GRM8: variants seen among roughly 807,000 people sequenced by gnomAD.
GRM8 encodes glutamate metabotropic receptor 8, also known as metabotropic glutamate receptor 8.
Under a neutral mutation model 87.2 loss-of-function variants are expected in GRM8, and 47 were observed. The observed-to-expected ratio is 0.54, with a 90% confidence interval of 0.43 to 0.69. GRM8 has a LOEUF of 0.69. Among genes scored for constraint, GRM8 ranks in the 30% least tolerant of loss-of-function variants. The pLI, the probability that GRM8 is intolerant of heterozygous loss-of-function variation, is 0.00. For missense variants in GRM8, 1,019 were observed against 1,139.2 expected, an observed-to-expected ratio of 0.89 and a Z score of 1.52; for synonymous variants, 396 against 404.5, an observed-to-expected ratio of 0.98 and a Z score of 0.25.
At chr7:126,763,345 G>A (rs1459455455) in intron 7 of GRM8, among the ~76,000 whole-genome samples, 1 of 149,356 alleles carries the variant, frequency 6.7e-6, no homozygotes, top group Non-Finnish European at 1.5e-5. Context: ...TTTCTTATGT[G>A]GAAAAATCAT....
intron 7 of GRM8, among the ~76,000 whole-genome samples, chr7:126,637,643 G>T (rs1421116855): frequency 6.6e-6 from 1 of 152,040 alleles, no homozygotes; most frequent in African/African-American, 2.4e-5. Context: ...CCTGAAACAT[G>T]TGGCTAGAAA....
chr7:126,879,206 A>G (rs1489546856), intron 6 of GRM8, among the ~76,000 whole-genome samples: 2 of 151,966 alleles, frequency 1.3e-5, no homozygotes, highest in African/African-American at 4.8e-5. Context: ...AAGAAAAAAA[A>G]AAAACATGAT....
At chr7:127,034,543 C>T (rs1420099754) in intron 3 of GRM8, among the ~76,000 whole-genome samples, 1 of 152,146 alleles carries the variant, frequency 6.6e-6, no homozygotes, top group Non-Finnish European at 1.5e-5. Context: ...TTCCCTTTTC[C>T]CTCTTCATAT....
rs1045265293 is a variant in GRM8, at chr7:126,471,325, T to C, written c.2431-24953A>G. 8.2e-3 allele frequency among the ~76,000 whole-genome samples: 1,249 copies of C among 152,238 alleles called. 16 individuals are homozygous for C. Among genetic ancestry groups the C allele is most frequent in the African/African-American group, 0.029 (1,201 of 41,542 alleles). On this transcript the variant is annotated intron_variant, in intron 9 of 10. Coordinates refer to ENST00000339582, the MANE Select transcript of GRM8 (RefSeq NM_000845.3). ...CTTCTAGGGTTTTTATGGTTTTAGG[T>C]CTAACGTTTAAGTCTTTAATCCATC...
intron 2 of GRM8, among the ~76,000 whole-genome samples, chr7:127,155,666 G>A (rs1037777030): frequency 1.4e-4 from 22 of 152,048 alleles, no homozygotes; most frequent in African/African-American, 4.1e-4. Context: ...TAGCAAGTTC[G>A]GTTCACAAAA....
chr7:127,015,084 G>T (rs1815401044), intron 3 of GRM8, among the ~76,000 whole-genome samples: 1 of 140,964 alleles, frequency 7.1e-6, no homozygotes, highest in South Asian at 2.4e-4. Context: ...AGAAGGAGAA[G>T]AAGGAGAAGA....
At chr7:126,962,435 T>A (rs963348307) in intron 3 of GRM8, among the ~76,000 whole-genome samples, 2 of 152,196 alleles carry the variant, frequency 1.3e-5, no homozygotes, top group African/African-American at 4.8e-5. Context: ...CAAATTTGTT[T>A]CCCTTCAAGC....
chr7:127,158,349 C>T (rs781402573), intron 2 of GRM8, among the ~76,000 whole-genome samples: 3 of 152,132 alleles, frequency 2.0e-5, no homozygotes, highest in Non-Finnish European at 2.9e-5. Flanking sequence ...ACATCCTCAC[C>T]GTCCACTCTC....
At chr7:126,509,286 G>A (rs1251455419) in intron 9 of GRM8, among the ~76,000 whole-genome samples, 2 of 152,000 alleles carry the variant, frequency 1.3e-5, no homozygotes, top group Admixed American at 1.3e-4. Context: ...ATCACATAGT[G>A]GAATTTTGAC....
chr7:126,672,480 T>C (rs984349551), intron 7 of GRM8, among the ~76,000 whole-genome samples: 1 of 152,196 alleles, frequency 6.6e-6, no homozygotes, highest in African/African-American at 2.4e-5. Context: ...ACCTTCTCTT[T>C]TCTCTTCCTC....
At chr7:127,058,227 A>C (rs1383084237) in intron 3 of GRM8, 1 of 464,018 alleles carries the variant, frequency 2.2e-6, no homozygotes, top group Non-Finnish European at 4.4e-6. Flanking sequence ...GCCTGGCCCC[A>C]GGAAGGGCAA....
At chr7:126,976,130 C>G (rs1014663257) in intron 3 of GRM8, among the ~76,000 whole-genome samples, 5 of 152,180 alleles carry the variant, frequency 3.3e-5, no homozygotes, top group African/African-American at 1.2e-4. Context: ...CACACATAAA[C>G]TATCAATGAA....
At chr7:127,112,789 G>C (rs1461044583) in intron 2 of GRM8, among the ~76,000 whole-genome samples, 1 of 152,116 alleles carries the variant, frequency 6.6e-6, no homozygotes, top group African/African-American at 2.4e-5. Context: ...CTGCCACTTT[G>C]CTTTTTGAAA....
intron 3 of GRM8, among the ~76,000 whole-genome samples, chr7:126,995,351 T>C (rs1389875796): frequency 1.3e-5 from 2 of 152,152 alleles, no homozygotes; most frequent in African/African-American, 2.4e-5. Flanking sequence ...GACCTCACCA[T>C]ACAAACTAAA....
At chr7:127,212,742 A>G (rs2116644284) in intron 2 of GRM8, among the ~76,000 whole-genome samples, 1 of 152,312 alleles carries the variant, frequency 6.6e-6, no homozygotes, top group East Asian at 1.9e-4. Flanking sequence ...TTTAACTGAG[A>G]CATAAAAACC....
chr7:126,457,071 G>T (rs1365997248), intron 9 of GRM8, among the ~76,000 whole-genome samples: 1 of 151,484 alleles, frequency 6.6e-6, no homozygotes, highest in African/African-American at 2.4e-5. Flanking sequence ...GTGTCTGTGT[G>T]TGTGCCTGTG....
intron 2 of GRM8, among the ~76,000 whole-genome samples, chr7:127,180,143 C>A (rs1188868521): frequency 6.6e-6 from 1 of 151,918 alleles, no homozygotes; most frequent in African/African-American, 2.4e-5. Flanking sequence ...ATCCAAATAA[C>A]CTCACTAAGA....
At chr7:126,976,679 C>A (rs987354887) in intron 3 of GRM8, among the ~76,000 whole-genome samples, 5 of 152,192 alleles carry the variant, frequency 3.3e-5, no homozygotes, top group African/African-American at 1.2e-4. Context: ...AAAAGGATAA[C>A]ACTGATTTTA....
intron 9 of GRM8, among the ~76,000 whole-genome samples, chr7:126,527,882 T>C (rs944693867): frequency 5.9e-5 from 9 of 152,170 alleles, no homozygotes; most frequent in Non-Finnish European, 4.4e-5. Context: ...ATCTGTAAGA[T>C]CTACTCTTCG....
Sources: allele counts gnomAD v4.1 joint callset (sites outside exome capture counted in the v4.1 genomes callset), GRCh38; gene constraint gnomAD v4.1.1; transcripts MANE v1.5; gene names NCBI Gene and HGNC (gene_info 2026-07-23, HGNC 2026-07-21).